IGSF11: variants seen among roughly 807,000 people sequenced by gnomAD.
The protein encoded by IGSF11 is CXADR like 1.
A neutral mutation model predicts 41.0 loss-of-function variants in IGSF11; 22 were observed. That is an observed-to-expected ratio of 0.54 (90% CI 0.38 to 0.77). The LOEUF (loss-of-function observed/expected upper bound fraction) is 0.77, where lower values mean the gene tolerates loss of function less well. Among genes scored for constraint, IGSF11 ranks in the 30% least tolerant of loss-of-function variants. The probability of loss-of-function intolerance (pLI) is 0.00; values close to 1 mark genes in which losing one functional copy is unlikely to be tolerated. For synonymous variants in IGSF11, 219 were observed against 201.3 expected, an observed-to-expected ratio of 1.09 and a Z score of -0.74; for missense variants, 444 against 530.8, an observed-to-expected ratio of 0.84 and a Z score of 1.61.
At chr3:118,907,518 G>A (rs572718564) in intron 4 of IGSF11, among the ~76,000 whole-genome samples, 1 of 152,234 alleles carries the variant, frequency 6.6e-6, no homozygotes, top group Non-Finnish European at 1.5e-5. Context: ...ATAGACTACA[G>A]GGGAGGAGAA....
intron 1 of IGSF11, among the ~76,000 whole-genome samples, chr3:119,054,824 A>G (rs544785485): frequency 6.6e-6 from 1 of 152,296 alleles, no homozygotes; most frequent in South Asian, 2.1e-4. Context: ...ATGTGGTGTG[A>G]GAGTAGTGGT....
rs772522679 is a variant in IGSF11, at chr3:118,902,686, T to C, written c.1130A>G (p.Asn377Ser). Residue 377 changes from asparagine (N) to serine (S), a missense_variant, in exon 7 of 7, where the codon AAC (asparagine) becomes AGC (serine). Physicochemically the swap from Asn to Ser is conservative, Grantham distance 46. This residue lies in a region of IGSF11 where 223 missense variants were observed against 226.2 expected (regional missense o/e 0.99). Transcript: ENST00000393775. ...GQHKTLVVTA[N>S]RGSSPQVMSR... ...CATCACCTGTGGTGATGACCCTCTG[T>C]TGGCTGTCACTACCAGAGTCTTATG... 3 of 1,614,146 alleles carry C rather than the reference T, an allele frequency of 1.9e-6. No homozygotes were observed. Among genetic ancestry groups the C allele is most frequent in the Non-Finnish European group, 2.5e-6 (3 of 1,179,996 alleles).
chr3:118,929,154 T>C (rs1461446213), intron 2 of IGSF11, among the ~76,000 whole-genome samples: 1 of 152,208 alleles, frequency 6.6e-6, no homozygotes, highest in Non-Finnish European at 1.5e-5. Flanking sequence ...AAGTCCATGA[T>C]TACTGTTCTT....
chr3:119,003,659 G>C (rs1444363919), intron 1 of IGSF11, among the ~76,000 whole-genome samples: 1 of 151,848 alleles, frequency 6.6e-6, no homozygotes, highest in Non-Finnish European at 1.5e-5. Flanking sequence ...TTTATTGAGA[G>C]TTTTTAGCAT....
At chr3:119,115,139 A>T (rs2077237895) in intron 1 of IGSF11, among the ~76,000 whole-genome samples, 1 of 152,252 alleles carries the variant, frequency 6.6e-6, no homozygotes. Context: ...GGGTGAGGAC[A>T]CAAATCCAAA....
At chr3:119,049,660 T>A (rs939996396) in intron 1 of IGSF11, among the ~76,000 whole-genome samples, 3 of 152,156 alleles carry the variant, frequency 2.0e-5, no homozygotes, top group African/African-American at 7.2e-5. Context: ...TTAAAGTTCA[T>A]ATGGAACCTA....
chr3:119,029,431 T>C (rs1446886019), intron 1 of IGSF11, among the ~76,000 whole-genome samples: 1 of 152,222 alleles, frequency 6.6e-6, no homozygotes. Context: ...GCTTCTATGG[T>C]GATTTCTGTG....
chr3:119,019,244 C>G (rs930077312), intron 1 of IGSF11, among the ~76,000 whole-genome samples: 1 of 151,592 alleles, frequency 6.6e-6, no homozygotes, highest in Admixed American at 6.6e-5. Context: ...ACATCCACAG[C>G]AAATTTTATC....
At chr3:118,982,746 G>A (rs906960922) in intron 1 of IGSF11, among the ~76,000 whole-genome samples, 1 of 151,868 alleles carries the variant, frequency 6.6e-6, no homozygotes, top group African/African-American at 2.4e-5. Flanking sequence ...ATGACCCCTC[G>A]ACAGTTTGTT....
At chr3:119,010,135 A>G (rs913721868) in intron 1 of IGSF11, among the ~76,000 whole-genome samples, 1 of 152,158 alleles carries the variant, frequency 6.6e-6, no homozygotes, top group African/African-American at 2.4e-5. Context: ...GTGAAGTGTC[A>G]ATTTGTTTTC....
chr3:118,903,151 C>G (rs138581920), intron 6 of IGSF11, among the ~76,000 whole-genome samples, 190 bp from the exon 7 acceptor site: 38 of 152,206 alleles, frequency 2.5e-4, no homozygotes, highest in Non-Finnish European at 3.5e-4. Context: ...CCCTTTGAGA[C>G]AACGGTCAAG....
Position 119,045,515 on chromosome 3 carries a change from T to A in IGSF11, c.49+59629A>T, listed in dbSNP as rs572633916. Among the ~76,000 whole-genome samples the A allele has an allele frequency of 3.9e-5, 6 of 152,240 alleles. No individual in the cohort carries two copies. The South Asian group carries it at 1.2e-3, about 32-fold the overall frequency. On this transcript the variant is annotated intron_variant, in intron 1 of 6. Transcript: ENST00000354673. ...TCCTACTCCACGGAGTCTCGCTGAT[T>A]GCTAGCACAGCAGTCTGAGATCAAA...
chr3:119,008,169 A>G (rs551046078), intron 1 of IGSF11, among the ~76,000 whole-genome samples: 1 of 152,208 alleles, frequency 6.6e-6, no homozygotes, highest in African/African-American at 2.4e-5. Flanking sequence ...GAAATGAACA[A>G]CAACAACAAA....
chr3:118,925,998 T>A (rs1942254070), intron 4 of IGSF11, 103 bp downstream of exon 4: 1 of 812,406 alleles, frequency 1.2e-6, no homozygotes, highest in Admixed American at 2.9e-5. Context: ...TTTTCAGCAG[T>A]TATAGGGTGT....
upstream of IGSF11, among the ~76,000 whole-genome samples, chr3:119,108,727 G>T (rs1433467760): frequency 6.4e-5 from 9 of 140,404 alleles, no homozygotes; most frequent in Admixed American, 2.9e-4. Flanking sequence ...CTGTGGGTTT[G>T]TCATAGATAG....
intron 1 of IGSF11, among the ~76,000 whole-genome samples, chr3:119,013,499 C>A (rs1302904980): frequency 6.6e-6 from 1 of 152,066 alleles, no homozygotes; most frequent in Non-Finnish European, 1.5e-5. Flanking sequence ...TAGTGGTGGC[C>A]GACACTTAGC....
chr3:119,064,511 CTT>C (rs779910295), intron 1 of IGSF11, among the ~76,000 whole-genome samples: 69 of 101,374 alleles, frequency 6.8e-4, no homozygotes, highest in African/African-American at 2.3e-3. Context: ...CTTGGCTGCT[CTT>C]TTTTTTTTTT....
intron 4 of IGSF11, among the ~76,000 whole-genome samples, chr3:118,911,727 G>A (rs547367142): frequency 6.6e-6 from 1 of 151,026 alleles, no homozygotes; most frequent in Non-Finnish European, 1.5e-5. Context: ...GACACAGAGA[G>A]AGAGAGAGAG....
At chr3:118,911,831 T>C (rs74327438) in intron 4 of IGSF11, among the ~76,000 whole-genome samples, 2,434 of 152,194 alleles carry the variant, frequency 0.016, 76 homozygotes, top group African/African-American at 0.055. Flanking sequence ...AAACCTGGTC[T>C]CTTCTAGGAG....
Sources: gnomAD v4.1 joint callset for allele counts (sites outside exome capture counted in the v4.1 genomes callset) on GRCh38, gnomAD v4.1.1 for gene constraint, gnomAD v4.1.1 regional missense constraint, MANE v1.5 for transcripts, NCBI Gene and HGNC (gene_info 2026-07-23, HGNC 2026-07-21) for gene names.